CPEB2: variants seen among roughly 807,000 people sequenced by gnomAD.
CPEB2 encodes the protein cytoplasmic polyadenylation element-binding protein 2.
In CPEB2, 56 loss-of-function variants were observed where a neutral mutation model predicts 93.6. The ratio of observed to expected loss-of-function variants is 0.60; its 90% CI spans 0.48 to 0.75. The LOEUF (loss-of-function observed/expected upper bound fraction) is 0.75. Among genes scored for constraint, CPEB2 ranks in the 30% least tolerant of loss-of-function variants. The pLI, the probability that CPEB2 is intolerant of heterozygous loss-of-function variation, is 0.00. For missense variants in CPEB2, 1,579 were observed against 1,395.1 expected, an observed-to-expected ratio of 1.13 and a Z score of -2.10; for synonymous variants, 764 against 586.3, an observed-to-expected ratio of 1.30 and a Z score of -4.38.
At chr4:15,031,918 A>G (rs1403055299) in intron 4 of CPEB2, among the ~76,000 whole-genome samples, 1 of 152,058 alleles carries the variant, frequency 6.6e-6, no homozygotes, top group Non-Finnish European at 1.5e-5. Flanking sequence ...GAGGTGGTAA[A>G]GGTAGATGCA....
chr4:15,035,520 A>C (rs1463141456), intron 5 of CPEB2, among the ~76,000 whole-genome samples: 1 of 152,190 alleles, frequency 6.6e-6, no homozygotes, highest in African/African-American at 2.4e-5. Context: ...TATTTGAAAG[A>C]GTAAAAATCA....
At chr4:15,015,270 C>G (rs1229416377) in intron 3 of CPEB2, among the ~76,000 whole-genome samples, 15 of 152,020 alleles carry the variant, frequency 9.9e-5, no homozygotes. Context: ...ACCACTGTTA[C>G]AGCTCATTGA....
chr4:15,003,893 C>A lies in CPEB2; in HGVS notation c.1220C>A (p.Pro407Gln). The A allele has an allele frequency of 1.1e-6, 1 of 884,118 alleles. No individual in the cohort carries two copies. Among genetic ancestry groups the A allele is most frequent in the Non-Finnish European group, 1.5e-6 (1 of 674,092 alleles). 54.8% of individuals were successfully genotyped at this position (884,118 alleles called of 1,614,324 possible). The part of the protein sequence containing the change: ...PPPTQPQQQP[P>Q]PPQQPPQPQP... ...CCGACCCAGCCGCAGCAGCAGCCGC[C>A]GCCACCCCAGCAGCCGCCCCAGCCG... The change falls in exon 1 of 12, where the codon CCG becomes CAG. Residue 407 changes from proline to glutamine, a missense_variant. This residue lies in a region of CPEB2 where 1,411 missense variants were observed against 1,056.0 expected (regional missense o/e 1.34). Transcript: ENST00000538197.
At chr4:15,038,143 C>T (rs1378184437) in intron 5 of CPEB2, among the ~76,000 whole-genome samples, 1 of 152,156 alleles carries the variant, frequency 6.6e-6, no homozygotes, top group Admixed American at 6.5e-5. Context: ...AGTAGAATAG[C>T]TCTTTACAGG....
chr4:15,066,611 G>GT lies in CPEB2; in HGVS notation c.*238dup, dbSNP rs747373961. 69 of 500,572 alleles carry GT rather than the reference G, an allele frequency of 1.4e-4. No homozygotes were observed. Among genetic ancestry groups the GT allele is most frequent in the Non-Finnish European group, 2.2e-4 (61 of 282,964 alleles). The allele number at this position is 500,572 out of a possible 1,614,324, so 31.0% of individuals were successfully genotyped here. On this transcript the variant is annotated 3_prime_UTR_variant, in exon 12 of 12. Transcript: ENST00000538197. ...TGATATTTTCATGTTCAAATAAAATGTTTTTTTGTATTTTCTCCAAGTTAT... is the reference window on the plus strand; with the variant it reads ...TGATATTTTCATGTTCAAATAAAATGTTTTTTTTGTATTTTCTCCAAGTTAT...
intron 6 of CPEB2, 131 bp from the exon 7 acceptor site, chr4:15,052,283 T>G: frequency 1.8e-6 from 1 of 556,414 alleles, no homozygotes; most frequent in Non-Finnish European, 2.9e-6. Context: ...CTATTTAAAT[T>G]TCTCTTAATT....
At chr4:15,011,498 T>G (rs1723480901) in intron 3 of CPEB2, among the ~76,000 whole-genome samples, 1 of 152,130 alleles carries the variant, frequency 6.6e-6, no homozygotes. Context: ...AAGTTTGAAT[T>G]CTAAATTATA....
intron 4 of CPEB2, among the ~76,000 whole-genome samples, chr4:15,020,078 A>G (rs1480987412): frequency 6.6e-6 from 1 of 152,080 alleles, no homozygotes; most frequent in Non-Finnish European, 1.5e-5. Context: ...TTGTTGCCTC[A>G]TGGACCTCTC....
intron 6 of CPEB2, among the ~76,000 whole-genome samples, chr4:15,051,454 G>A (rs528915224): frequency 6.6e-6 from 1 of 151,692 alleles, no homozygotes; most frequent in Admixed American, 6.6e-5. Context: ...CTTTCACTTG[G>A]AAAAAAAGGA....
intron 4 of CPEB2, among the ~76,000 whole-genome samples, chr4:15,029,245 A>G (rs1462397283): frequency 1.3e-5 from 2 of 151,838 alleles, no homozygotes; most frequent in African/African-American, 4.8e-5. Context: ...TTTCCTGAGT[A>G]TTTTTGATCA....
intron 4 of CPEB2, among the ~76,000 whole-genome samples, chr4:15,021,206 G>T (rs1268918908): frequency 6.6e-6 from 1 of 152,100 alleles, no homozygotes. Flanking sequence ...GCACTGACCC[G>T]TCTGCTTTAT....
Position 15,019,791 on chromosome 4 carries a change from A to G in CPEB2, c.2125+2513A>G, listed in dbSNP as rs1161092783. Among the ~76,000 whole-genome samples the G allele has an allele frequency of 2.6e-5, 4 of 152,104 alleles. No individual in the cohort carries two copies. In the East Asian group the frequency reaches 7.7e-4, roughly 29 times the overall value. Reference sequence around the variant, plus strand: ...CTTTATATTAATGCTGAAAATATCTAGGAAAATGAACTTGAGTGAGGAGAG... The same window carrying G: ...CTTTATATTAATGCTGAAAATATCTGGGAAAATGAACTTGAGTGAGGAGAG... On this transcript the variant is annotated intron_variant, in intron 4 of 11. Coordinates refer to ENST00000538197, the MANE Select transcript of CPEB2 (RefSeq NM_001177382.2).
chr4:15,007,043 A>G (rs142853000), intron 1 of CPEB2, among the ~76,000 whole-genome samples: 4 of 152,300 alleles, frequency 2.6e-5, no homozygotes, highest in Admixed American at 6.5e-5. Flanking sequence ...GAAGGATAAA[A>G]AGGAACTGCA....
In CPEB2 at chr4:15,007,580, C is replaced by CCTG; in HGVS notation, c.1938_1939insCTG (p.Leu647dup). On this transcript the variant is annotated inframe_insertion, in exon 2 of 12. Coordinates refer to ENST00000538197, the MANE Select transcript of CPEB2 (RefSeq NM_001177382.2). ...ACAACAATAGTAATACACTCTTACC[C>CCTG]TTACAGGTAAGAATGGTATGTAAAT... 1.3e-6 allele frequency: 2 copies of CCTG among 1,567,166 alleles called. No homozygotes were observed. The highest frequency in any genetic ancestry group is 2.3e-5 in the East Asian group (1 of 43,510).
intron 7 of CPEB2, among the ~76,000 whole-genome samples, chr4:15,052,792 TATC>T (rs1016361541): frequency 2.6e-5 from 4 of 152,152 alleles, no homozygotes; most frequent in Admixed American, 1.3e-4. Context: ...CTTTAGATCT[TATC>T]ATATTTGTAA....
Position 15,004,303 on chromosome 4 carries a change from C to T in CPEB2, c.1630C>T (p.Leu544=), listed in dbSNP as rs1722478141. 9 of 1,492,456 alleles carry T rather than the reference C, an allele frequency of 6.0e-6. No homozygotes were observed. The highest frequency in any genetic ancestry group is 8.0e-6 in the Non-Finnish European group (9 of 1,129,068). 92.5% of individuals were successfully genotyped at this position (1,492,456 alleles called of 1,614,324 possible). A position where few individuals can be genotyped will look rare whatever the true frequency, so the allele number is the denominator to read the frequency against. Residue 544 remains leucine (L), a synonymous_variant, in exon 1 of 12, where the codon CTG becomes TTG. Transcript: ENST00000538197. ...QQHQAAAAAF[L]QQRNSYNHHQ... ...GCACCAGGCGGCGGCCGCCGCCTTC[C>T]TGCAGCAGAGGAACTCCTATAACCA... is the stretch of plus-strand genomic sequence containing the variant.
At chr4:15,040,512 T>A in intron 6 of CPEB2, 25 bp downstream of exon 6, 11 of 1,532,506 alleles carry the variant, frequency 7.2e-6, no homozygotes, top group African/African-American at 1.4e-5. Context: ...TTTGCTATGG[T>A]ATAATTGTTT....
intron 1 of CPEB2, among the ~76,000 whole-genome samples, chr4:15,007,103 C>T (rs1722919661): frequency 6.6e-6 from 1 of 152,176 alleles, no homozygotes; most frequent in East Asian, 1.9e-4. Context: ...TTATAGTATA[C>T]AAGAAGATGA....
rs1273734193 is a variant in CPEB2, at chr4:15,003,210, G to A, written c.537G>A (p.Arg179=). The A allele has an allele frequency of 3.3e-6, 5 of 1,533,674 alleles. No homozygotes were observed. Among genetic ancestry groups the A allele is most frequent in the Non-Finnish European group, 4.4e-6 (5 of 1,146,154 alleles). ...RQQQQLSSQK[R]KEFSPPHLPH... is the part of the protein sequence containing the mutation. ...AGCAGCAGCTGAGCAGCCAGAAGAG[G>A]AAAGAGTTCAGCCCTCCCCACCTTC... The change falls in exon 1 of 12, where the codon AGG becomes AGA. Residue 179 remains arginine, a synonymous_variant. Transcript: ENST00000538197.
Sources: gnomAD v4.1 joint callset for allele counts (sites outside exome capture counted in the v4.1 genomes callset) on GRCh38, gnomAD v4.1.1 for gene constraint, gnomAD v4.1.1 regional missense constraint, MANE v1.5 for transcripts, NCBI Gene and HGNC (gene_info 2026-07-23, HGNC 2026-07-21) for gene names.